RASA2: variants seen among roughly 807,000 people sequenced by gnomAD.
RASA2 encodes the protein RAS p21 protein activator 2.
In RASA2, 155 loss-of-function variants were observed where a neutral mutation model predicts 118.2. The observed-to-expected ratio is 1.31, with a 90% CI of 1.15 to 1.50. The LOEUF (loss-of-function observed/expected upper bound fraction) is 1.50. RASA2 is among the 40% of genes most tolerant of loss of function. The pLI, the probability that RASA2 is intolerant of heterozygous loss-of-function variation, is 0.00. For missense variants in RASA2, 1,016 were observed against 1,009.6 expected, an observed-to-expected ratio of 1.01 and a Z score of -0.09; for synonymous variants, 353 against 349.1, an observed-to-expected ratio of 1.01 and a Z score of -0.12.
chr3:141,610,445 AT>A (rs1385973199), intron 23 of RASA2, among the ~76,000 whole-genome samples: 1 of 103,554 alleles, frequency 9.7e-6, no homozygotes, highest in African/African-American at 4.8e-5. Flanking sequence ...ATATTTATAT[AT>A]TATATATTTA....
intron 4 of RASA2, among the ~76,000 whole-genome samples, chr3:141,531,049 A>G (rs1293770236): frequency 6.6e-6 from 1 of 152,170 alleles, no homozygotes; most frequent in Non-Finnish European, 1.5e-5. Flanking sequence ...AGAATAGTTT[A>G]AAAGCTGTTA....
rs2082669355 is a variant in RASA2 at position 141,557,619 on chromosome 3, GT to G, written c.685-1266del. On this transcript the variant is annotated intron_variant, in intron 7 of 23. Transcript: ENST00000286364. The stretch of plus-strand genomic sequence containing the variant: ...GAGCCTATAAGTTATGAGTAAAACA[GT>G]GTTTGGGAAGGAATTAACTATGATC... 2.0e-5 allele frequency among the ~76,000 whole-genome samples: 3 copies of G among 152,132 alleles called. No homozygotes were observed. The South Asian group carries it at 6.2e-4, about 31-fold the overall frequency.
intron 19 of RASA2, among the ~76,000 whole-genome samples, chr3:141,599,097 A>G (rs1279666286): frequency 6.6e-6 from 1 of 152,120 alleles, no homozygotes; most frequent in African/African-American, 2.4e-5. Flanking sequence ...CAATAAATAA[A>G]TTAATTAAAA....
At chr3:141,588,436 T>TA (rs2083239687) in intron 19 of RASA2, among the ~76,000 whole-genome samples, 1 of 152,222 alleles carries the variant, frequency 6.6e-6, no homozygotes, top group Admixed American at 6.5e-5. Flanking sequence ...CACAAGCGTG[T>TA]AGCACCCCGT....
intron 6 of RASA2, among the ~76,000 whole-genome samples, chr3:141,555,485 G>A (rs1019659560): frequency 1.1e-4 from 17 of 151,902 alleles, no homozygotes; most frequent in African/African-American, 4.1e-4. Flanking sequence ...CAAGTTCCTT[G>A]GGTATTTTTC....
At chr3:141,537,820 T>C (rs1470230831) in intron 4 of RASA2, among the ~76,000 whole-genome samples, 1 of 152,188 alleles carries the variant, frequency 6.6e-6, no homozygotes. Context: ...TCTGCGTCTC[T>C]TGTAAGTCCA....
chr3:141,567,239 A>C lies in RASA2; in HGVS notation c.864-3673A>C, dbSNP rs373953844. On this transcript the variant is annotated intron_variant, in intron 9 of 23. Coordinates refer to ENST00000286364, the MANE Select transcript of RASA2 (RefSeq NM_006506.5). ...AAGACCAGCCTGGCCAACATAGTGA[A>C]ACCCTGTCTCTACTAAAAATACAAA... Among the ~76,000 whole-genome samples, 125 of 152,086 alleles carry C rather than the reference A, an allele frequency of 8.2e-4. 3 individuals are homozygous for C. Among genetic ancestry groups the C allele is most frequent in the African/African-American group, 2.9e-3 (119 of 41,498 alleles).
intron 3 of RASA2, among the ~76,000 whole-genome samples, chr3:141,524,511 GACTGTTTGCC>G (rs1227234822): frequency 2.0e-5 from 3 of 152,188 alleles, no homozygotes; most frequent in Admixed American, 2.0e-4. Context: ...TGCTGCTGTT[GACTGTTTGCC>G]AGGATTTGTT....
chr3:141,529,868 A>G, intron 4 of RASA2, 66 bp downstream of exon 4: 3 of 1,227,840 alleles, frequency 2.4e-6, no homozygotes, highest in Non-Finnish European at 3.5e-6. Flanking sequence ...TGAACTAATT[A>G]AACTGGTTCA....
intron 19 of RASA2, among the ~76,000 whole-genome samples, chr3:141,598,159 G>A (rs1446430817): frequency 6.6e-6 from 1 of 152,052 alleles, no homozygotes; most frequent in African/African-American, 2.4e-5. Flanking sequence ...AAGTCTTTTA[G>A]AAAACAGAGG....
At chr3:141,487,336 C>T (rs1283247785) in intron 1 of RASA2, 120 bp downstream of exon 1, 8 of 1,141,028 alleles carry the variant, frequency 7.0e-6, no homozygotes, top group Non-Finnish European at 7.6e-6. Flanking sequence ...CGGGAGGGGG[C>T]CTGGGCCGGG....
chr3:141,571,403 T>G lies in RASA2; in HGVS notation c.1021-3T>G. On this transcript the variant is annotated splice_polypyrimidine_tract_variant and splice_region_variant and intron_variant, in intron 10 of 23. Coordinates refer to ENST00000286364, the MANE Select transcript of RASA2 (RefSeq NM_006506.5). ...TGCTTGTTTTCTACCTTTCTGTATTTAGCCAATATCTGCCTCAGCTGCTTA... is the reference window on the plus strand; with the variant it reads ...TGCTTGTTTTCTACCTTTCTGTATTGAGCCAATATCTGCCTCAGCTGCTTA... 1 of 1,610,808 alleles carries G rather than the reference T, an allele frequency of 6.2e-7. No individual in the cohort carries two copies. The highest frequency in any genetic ancestry group is 8.5e-7 in the Non-Finnish European group (1 of 1,178,992).
At position 141,507,474 on chromosome 3, in the gene RASA2, A is replaced by G. The variant is rs537517646; in HGVS notation, c.134-4689A>G. Among the ~76,000 whole-genome samples, 9 of 152,270 alleles carry G rather than the reference A, an allele frequency of 5.9e-5. No homozygotes were observed. The East Asian group carries it at 1.5e-3, about 26-fold the overall frequency. On this transcript the variant is annotated intron_variant, in intron 1 of 23. Transcript: ENST00000286364. ...GAGTTATTGCCTCTTTTAGGATCAGAAAGACTTTTGCAGAATTGTGAAACT... is the reference window on the plus strand; with the variant it reads ...GAGTTATTGCCTCTTTTAGGATCAGGAAGACTTTTGCAGAATTGTGAAACT...
intron 1 of RASA2, among the ~76,000 whole-genome samples, chr3:141,488,750 A>G (rs111562474): frequency 1.1e-4 from 17 of 152,298 alleles, no homozygotes; most frequent in African/African-American, 3.8e-4. Context: ...ACTTTTGCAT[A>G]TATCTAATTT....
intron 19 of RASA2, among the ~76,000 whole-genome samples, chr3:141,587,407 C>T (rs990325818): frequency 6.6e-6 from 1 of 152,142 alleles, no homozygotes; most frequent in Non-Finnish European, 1.5e-5. Flanking sequence ...GAGTTTATTC[C>T]GTTGGGTTAA....
chr3:141,520,463 A>C (rs554147926), intron 3 of RASA2, among the ~76,000 whole-genome samples: 3 of 152,240 alleles, frequency 2.0e-5, no homozygotes, highest in Admixed American at 6.5e-5. Flanking sequence ...CTTAATTCCA[A>C]AAGCTAAGGA....
chr3:141,510,658 G>A lies in RASA2; in HGVS notation c.134-1505G>A, dbSNP rs115062433. ...ATTTCTCTGAGTTAGTGATATTTGAGCTGAGACTGAATGATAAGGCACTCG... is the reference window on the plus strand; with the variant it reads ...ATTTCTCTGAGTTAGTGATATTTGAACTGAGACTGAATGATAAGGCACTCG... On this transcript the variant is annotated intron_variant, in intron 1 of 23. Transcript: ENST00000286364. Among the ~76,000 whole-genome samples, 694 of 152,342 alleles carry A rather than the reference G, an allele frequency of 4.6e-3. 8 individuals are homozygous for A. Among genetic ancestry groups the A allele is most frequent in the African/African-American group, 0.016 (661 of 41,578 alleles).
intron 23 of RASA2, among the ~76,000 whole-genome samples, chr3:141,611,347 G>C (rs764322543): frequency 1.9e-4 from 29 of 152,254 alleles, no homozygotes; most frequent in Non-Finnish European, 4.4e-5. Context: ...GGCAGAAAAG[G>C]CTGTTTTCTC....
intron 4 of RASA2, among the ~76,000 whole-genome samples, chr3:141,539,474 C>T (rs1318379910): frequency 2.0e-5 from 3 of 152,096 alleles, no homozygotes; most frequent in Non-Finnish European, 4.4e-5. Flanking sequence ...TATAAGTCCC[C>T]TTAAAATAGT....
Sources: gnomAD v4.1 joint callset for allele counts (sites outside exome capture counted in the v4.1 genomes callset) on GRCh38, gnomAD v4.1.1 for gene constraint, MANE v1.5 for transcripts, NCBI Gene and HGNC (gene_info 2026-07-23, HGNC 2026-07-21) for gene names.